CCNB3: variants seen among roughly 807,000 people sequenced by gnomAD.
CCNB3 encodes G2/mitotic-specific cyclin-B3.
In CCNB3, 12 loss-of-function variants were observed where a neutral mutation model predicts 68.0. The observed-to-expected ratio is 0.18, with a 90% confidence interval of 0.11 to 0.29. CCNB3 has a LOEUF of 0.29. CCNB3 is among the 10% of genes least tolerant of loss of function. The pLI is 1.00. For missense variants in CCNB3, 904 were observed against 993.1 expected (o/e 0.91, Z 1.21); for synonymous variants, 354 against 388.9 (o/e 0.91, Z 1.06).
At position 50,310,998 on chromosome X, in the gene CCNB3, G is replaced by A. The variant is rs1921409661; in HGVS notation, c.2829G>A (p.Leu943=). The change falls in exon 6 of 13, where the codon TTG becomes TTA. Residue 943 remains leucine (L), a synonymous_variant. Transcript: ENST00000376042. ...LNEKPTTGKE[L]SFKEPLALQE... ...AGAAACCCACCACTGGGAAGGAGTT[G>A]TCCTTCAAGGAGCCATTAGCCTTAC... The A allele has an allele frequency of 8.3e-7, 1 of 1,209,296 alleles. No homozygotes were observed.
intron 1 of CCNB3, among the ~76,000 whole-genome samples, chrX:50,214,702 T>A: frequency 9.8e-6 from 1 of 101,572 alleles, no homozygotes; most frequent in East Asian, 3.0e-4. Context: ...TGTACACTTA[T>A]TATATATAAA....
At chrX:50,340,473 T>C (rs1022534020) in intron 8 of CCNB3, among the ~76,000 whole-genome samples, 1 of 112,280 alleles carries the variant, frequency 8.9e-6, no homozygotes, top group Admixed American at 9.4e-5. Flanking sequence ...GAAGCATCAC[T>C]GAAGATTGGA....
chrX:50,281,278 G>C (rs1936131804), intron 1 of CCNB3, among the ~76,000 whole-genome samples: 1 of 111,535 alleles, frequency 9.0e-6, no homozygotes, highest in Admixed American at 9.6e-5. Context: ...ACTTCATGAC[G>C]GCTGTAGTTT....
chrX:50,318,314 C>G (rs1309230384), intron 8 of CCNB3, among the ~76,000 whole-genome samples: 2 of 109,651 alleles, frequency 1.8e-5, no homozygotes, highest in African/African-American at 6.6e-5. Context: ...GAGTTCGAGA[C>G]TAGCCTGACC....
At chrX:50,303,336 G>A (rs1344641061) in intron 5 of CCNB3, among the ~76,000 whole-genome samples, 3 of 110,597 alleles carry the variant, frequency 2.7e-5, no homozygotes, top group African/African-American at 9.9e-5. Context: ...AGTGGAGATG[G>A]GGTTTTGCCA....
At chrX:50,228,768 T>C (rs1305289479) in intron 1 of CCNB3, among the ~76,000 whole-genome samples, 2 of 75,190 alleles carry the variant, frequency 2.7e-5, no homozygotes, top group African/African-American at 1.1e-4. Context: ...AATATATATA[T>C]AGAATACATA....
chrX:50,286,363 C>T (rs1936232590), intron 3 of CCNB3, among the ~76,000 whole-genome samples: 1 of 111,713 alleles, frequency 9.0e-6, no homozygotes, highest in African/African-American at 3.3e-5. Flanking sequence ...TGCAGTGGCA[C>T]GATCTCGGCT....
chrX:50,328,570 T>C (rs1289337284), intron 8 of CCNB3, among the ~76,000 whole-genome samples: 4 of 111,608 alleles, frequency 3.6e-5, no homozygotes, highest in Non-Finnish European at 7.5e-5. Flanking sequence ...CCTCCAACAC[T>C]GGGGATTACA....
At chrX:50,299,699 T>A (rs1269485265) in intron 5 of CCNB3, among the ~76,000 whole-genome samples, 3 of 111,157 alleles carry the variant, frequency 2.7e-5, no homozygotes, top group Non-Finnish European at 3.8e-5. Context: ...GTTAACTTTC[T>A]GTCTCATTGA....
At chrX:50,312,983 T>G (rs1313113281) in intron 7 of CCNB3, among the ~76,000 whole-genome samples, 1 of 110,990 alleles carries the variant, frequency 9.0e-6, no homozygotes, top group Non-Finnish European at 1.9e-5. Flanking sequence ...GAAGACAGTC[T>G]TAGACACAAA....
chrX:50,299,216 T>G, intron 5 of CCNB3, among the ~76,000 whole-genome samples: 1 of 111,552 alleles, frequency 9.0e-6, no homozygotes, highest in Non-Finnish European at 1.9e-5. Flanking sequence ...TTCTTTTAAT[T>G]GTGATGTTAG....
At chrX:50,319,803 G>T (rs188393930) in intron 8 of CCNB3, among the ~76,000 whole-genome samples, 2 of 111,436 alleles carry the variant, frequency 1.8e-5, no homozygotes, top group African/African-American at 6.5e-5. Context: ...TTAATCCTGC[G>T]TAATATATTT....
intron 4 of CCNB3, among the ~76,000 whole-genome samples, chrX:50,294,240 C>T (rs917060543): frequency 9.0e-6 from 1 of 111,450 alleles, no homozygotes; most frequent in Non-Finnish European, 1.9e-5. Context: ...TGTGACTAGC[C>T]TGTTTGTTTC....
At chrX:50,295,698 C>G (rs1361965567) in intron 5 of CCNB3, among the ~76,000 whole-genome samples, 1 of 111,482 alleles carries the variant, frequency 9.0e-6, no homozygotes, top group Non-Finnish European at 1.9e-5. Flanking sequence ...AACACAGCAT[C>G]TTTTCAGTTA....
chrX:50,214,474 C>CTATATATATATATATATATATATA, intron 1 of CCNB3, among the ~76,000 whole-genome samples: 1 of 1,921 alleles, frequency 5.2e-4, no homozygotes, highest in African/African-American at 8.6e-4. Flanking sequence ...TAGCTGTGGC[C>CTATATATATATATATATATATATA]CATATATATA....
intron 1 of CCNB3, among the ~76,000 whole-genome samples, chrX:50,226,190 A>AATATATATAGAATATATATATTT (rs1410876838): frequency 2.6e-3 from 73 of 28,586 alleles, no homozygotes; most frequent in Non-Finnish European, 3.1e-3. Context: ...TAGATATATA[A>AATATATATAGAATATATATATTT]ATATATATAG....
At chrX:50,349,701 C>T (rs1923572260) in intron 11 of CCNB3, among the ~76,000 whole-genome samples, 1 of 111,687 alleles carries the variant, frequency 9.0e-6, no homozygotes, top group Non-Finnish European at 1.9e-5. Flanking sequence ...TGGTGGTTTC[C>T]AAACAGTATT....
intron 1 of CCNB3, among the ~76,000 whole-genome samples, chrX:50,226,904 A>AATATATAGTGTATATATAGAAT: frequency 1.8e-5 from 1 of 54,314 alleles, no homozygotes; most frequent in African/African-American, 1.1e-4. Flanking sequence ...ATATATATAG[A>AATATATAGTGTATATATAGAAT]ATATATAGTA....
Position 50,227,153 on chromosome X carries a change from T to C in CCNB3, c.-113+22203T>C, listed in dbSNP as rs1433864821. ...AAAAATATATAGAATATATATACAA[T>C]ATATGTAGAATATATATATAGAATA... On this transcript the variant is annotated intron_variant, in intron 1 of 12. Transcript: ENST00000376042. Among the ~76,000 whole-genome samples the C allele has an allele frequency of 4.4e-4, 35 of 80,164 alleles. No homozygotes were observed. The East Asian group carries it at 0.012, about 28-fold the overall frequency. 69.6% of individuals were successfully genotyped at this position (80,164 alleles called of 115,157 possible).
Sources: allele counts gnomAD v4.1 joint callset (sites outside exome capture counted in the v4.1 genomes callset), GRCh38; gene constraint gnomAD v4.1.1; transcripts MANE v1.5; gene names NCBI Gene and HGNC (gene_info 2026-07-23, HGNC 2026-07-21).